CHCHD3: variants seen among roughly 807,000 people sequenced by gnomAD.
CHCHD3 encodes the protein coiled-coil-helix-coiled-coil-helix domain containing 3, also known as MICOS complex subunit MIC19.
In CHCHD3, 20 loss-of-function variants were observed where a neutral mutation model predicts 38.2. The ratio of observed to expected loss-of-function variants is 0.52; its 90% CI spans 0.37 to 0.76. The LOEUF (loss-of-function observed/expected upper bound fraction) is 0.76. Among genes scored for constraint, CHCHD3 ranks in the 30% least tolerant of loss-of-function variants. The pLI is 0.00. For synonymous variants in CHCHD3, 82 were observed against 100.0 expected (o/e 0.82, Z 1.07); for missense variants, 245 against 279.2 (o/e 0.88, Z 0.87).
In CHCHD3 at chr7:133,002,993, A is replaced by T. The variant is rs1812610380; in HGVS notation, c.251+21553T>A. On this transcript the variant is annotated intron_variant, in intron 3 of 7. Coordinates refer to ENST00000262570, the MANE Select transcript of CHCHD3 (RefSeq NM_017812.4). ...ATTGAAAAATAAAACATGTATTTGA[A>T]TGTCTAGGAGTTGCAGTATGTATAC... Among the ~76,000 whole-genome samples the T allele has an allele frequency of 2.0e-5, 3 of 152,222 alleles. No homozygotes were observed. In the South Asian group the frequency reaches 6.2e-4, roughly 32 times the overall value.
chr7:133,013,912 T>C (rs1315917887), intron 3 of CHCHD3, among the ~76,000 whole-genome samples: 1 of 152,200 alleles, frequency 6.6e-6, no homozygotes, highest in African/African-American at 2.4e-5. Flanking sequence ...ATCCATGTTT[T>C]CAGTTGTTTA....
intron 2 of CHCHD3, among the ~76,000 whole-genome samples, chr7:133,036,370 T>C (rs1813673791): frequency 6.6e-6 from 1 of 152,214 alleles, no homozygotes. Context: ...TTTAAAAGAA[T>C]AGTATAAAAT....
chr7:132,930,170 T>A (rs1810481960), intron 4 of CHCHD3, among the ~76,000 whole-genome samples: 1 of 149,942 alleles, frequency 6.7e-6, no homozygotes, highest in Non-Finnish European at 1.5e-5. Flanking sequence ...CTAATTTTTT[T>A]TTTTTTTTTT....
chr7:132,837,266 CATT>C (rs1351472363), intron 6 of CHCHD3, among the ~76,000 whole-genome samples: 1 of 152,104 alleles, frequency 6.6e-6, no homozygotes, highest in Non-Finnish European at 1.5e-5. Flanking sequence ...AAAAAAAAGT[CATT>C]ATATCATTAG....
intron 4 of CHCHD3, among the ~76,000 whole-genome samples, chr7:132,908,969 G>A (rs1406899411): frequency 6.6e-6 from 1 of 152,076 alleles, no homozygotes; most frequent in Non-Finnish European, 1.5e-5. Flanking sequence ...TAATCTCCAC[G>A]TGTTGTGAGA....
At chr7:132,931,720 TTC>T (rs1810519535) in intron 4 of CHCHD3, among the ~76,000 whole-genome samples, 1 of 152,206 alleles carries the variant, frequency 6.6e-6, no homozygotes, top group Admixed American at 6.5e-5. Context: ...TATATCATTT[TTC>T]TGATTCAACA....
intron 4 of CHCHD3, among the ~76,000 whole-genome samples, chr7:132,886,739 T>C (rs1009399879): frequency 6.6e-6 from 1 of 151,612 alleles, no homozygotes; most frequent in African/African-American, 2.4e-5. Context: ...ATAAACAAAG[T>C]ATATATATTA....
chr7:133,026,998 C>G (rs945760741), intron 2 of CHCHD3, among the ~76,000 whole-genome samples: 2 of 151,422 alleles, frequency 1.3e-5, no homozygotes, highest in African/African-American at 4.9e-5. Flanking sequence ...AGTGCAGTGC[C>G]GTGATCTTGG....
chr7:132,787,333 T>A (rs1806344595), intron 7 of CHCHD3, among the ~76,000 whole-genome samples: 1 of 149,712 alleles, frequency 6.7e-6, no homozygotes, highest in Non-Finnish European at 1.5e-5. Flanking sequence ...CAGAGGGGAG[T>A]CTGCAGGCAG....
chr7:133,008,566 A>C (rs1164579033), intron 3 of CHCHD3, among the ~76,000 whole-genome samples: 1 of 152,244 alleles, frequency 6.6e-6, no homozygotes, highest in Non-Finnish European at 1.5e-5. Flanking sequence ...CTTACAATGC[A>C]TAAGAATATG....
intron 2 of CHCHD3, among the ~76,000 whole-genome samples, chr7:133,057,559 C>T (rs926630804): frequency 6.6e-6 from 1 of 151,230 alleles, no homozygotes; most frequent in Admixed American, 6.6e-5. Flanking sequence ...AAGACCTCGT[C>T]TCAAAAAAAG....
intron 6 of CHCHD3, among the ~76,000 whole-genome samples, chr7:132,817,109 T>C (rs1039032112): frequency 1.3e-5 from 2 of 152,092 alleles, no homozygotes; most frequent in African/African-American, 4.8e-5. Flanking sequence ...GTCTGTAACC[T>C]CCACAGCTGC....
chr7:133,065,603 G>A (rs1026633781), intron 2 of CHCHD3, among the ~76,000 whole-genome samples: 14 of 152,120 alleles, frequency 9.2e-5, no homozygotes, highest in African/African-American at 3.1e-4. Flanking sequence ...ACTGAAAAAT[G>A]TAAAAAAGGC....
rs1182052301 is a variant in CHCHD3, at chr7:132,784,872, T to C, written c.*765A>G. On this transcript the variant is annotated 3_prime_UTR_variant, in exon 8 of 8. Transcript: ENST00000262570. ...TGTGAGGAGCTACAATGCCAGTCTT[T>C]GTCAGAAAATATATTTATTATTGAT... The C allele has an allele frequency of 1.3e-5, 2 of 152,618 alleles. No individual in the cohort carries two copies. 9.5% of individuals were successfully genotyped at this position (152,618 alleles called of 1,614,324 possible). A position where few individuals can be genotyped will look rare whatever the true frequency, so the allele number is the denominator to read the frequency against.
intron 5 of CHCHD3, among the ~76,000 whole-genome samples, chr7:132,876,645 C>T (rs1450638923): frequency 1.3e-5 from 2 of 152,116 alleles, no homozygotes; most frequent in Non-Finnish European, 2.9e-5. Context: ...CAATACTGGG[C>T]TTTAAAGCTG....
At chr7:133,005,135 C>T (rs901423255) in intron 3 of CHCHD3, among the ~76,000 whole-genome samples, 1 of 152,112 alleles carries the variant, frequency 6.6e-6, no homozygotes, top group Non-Finnish European at 1.5e-5. Context: ...TGATTAATCT[C>T]TGCTCAGTTA....
chr7:132,832,170 G>T (rs1807666915), intron 6 of CHCHD3, among the ~76,000 whole-genome samples: 1 of 152,108 alleles, frequency 6.6e-6, no homozygotes, highest in South Asian at 2.1e-4. Context: ...TATGAGTTCT[G>T]CATAGTATTC....
chr7:132,973,890 T>C, intron 4 of CHCHD3: 1 of 1,198,476 alleles, frequency 8.3e-7, no homozygotes, highest in Middle Eastern at 2.3e-4. Flanking sequence ...CCATTTTCCC[T>C]GTCCAGTGAG....
In CHCHD3 at chr7:133,081,847, G is replaced by A. The variant is rs370909354; in HGVS notation, c.81+10C>T. ...AACCACTGGCCCTCCGCCCGTCCAC[G>A]GGCACTCACCCGGATGCCCTTCACC... is the stretch of plus-strand genomic sequence containing the variant. On this transcript the variant is annotated intron_variant, in intron 1 of 7. Coordinates refer to ENST00000262570, the MANE Select transcript of CHCHD3 (RefSeq NM_017812.4). 4 of 1,552,404 alleles carry A rather than the reference G, an allele frequency of 2.6e-6. No individual in the cohort carries two copies. The highest frequency in any genetic ancestry group is 1.4e-5 in the African/African-American group (1 of 73,108).
Sources: allele counts gnomAD v4.1 joint callset (sites outside exome capture counted in the v4.1 genomes callset), GRCh38; gene constraint gnomAD v4.1.1; transcripts MANE v1.5; gene names NCBI Gene and HGNC (gene_info 2026-07-23, HGNC 2026-07-21).